PALLD: variants seen among roughly 807,000 people sequenced by gnomAD.
The protein encoded by PALLD is palladin.
Under a neutral mutation model 123.5 loss-of-function variants are expected in PALLD, and 61 were observed. The observed-to-expected ratio is 0.49, with a 90% confidence interval of 0.40 to 0.61. The LOEUF is 0.61. PALLD is among the 20% of genes least tolerant of loss of function. The pLI, the probability that PALLD is intolerant of heterozygous loss-of-function variation, is 0.00. For missense variants in PALLD, 1,273 were observed against 1,377.0 expected (o/e 0.92, Z 1.20); for synonymous variants, 465 against 496.4 (o/e 0.94, Z 0.84).
intron 2 of PALLD, among the ~76,000 whole-genome samples, chr4:168,665,261 T>C (rs1446296062): frequency 2.6e-5 from 4 of 152,210 alleles, no homozygotes. Context: ...TAGCTCTTGA[T>C]GGGCCTTTCT....
At chr4:168,731,852 C>G (rs1489092946) in intron 10 of PALLD, among the ~76,000 whole-genome samples, 1 of 152,196 alleles carries the variant, frequency 6.6e-6, no homozygotes, top group African/African-American at 2.4e-5. Context: ...AGGGAAGTAG[C>G]TGATACCAGG....
chr4:168,657,538 G>A (rs964214334), intron 2 of PALLD, among the ~76,000 whole-genome samples: 2 of 152,176 alleles, frequency 1.3e-5, no homozygotes, highest in Non-Finnish European at 2.9e-5. Context: ...AATTATTTAG[G>A]CAGATAGTGA....
chr4:168,540,406 G>A (rs974560072), intron 2 of PALLD, among the ~76,000 whole-genome samples: 1 of 152,030 alleles, frequency 6.6e-6, no homozygotes, highest in Non-Finnish European at 1.5e-5. Flanking sequence ...TTCTGTTTCC[G>A]AAACACAAAA....
chr4:168,744,065 TGCTAGAA>T (rs1227820988), intron 10 of PALLD, among the ~76,000 whole-genome samples: 2 of 152,094 alleles, frequency 1.3e-5, no homozygotes, highest in Non-Finnish European at 2.9e-5. Context: ...AGCAAACAGA[TGCTAGAA>T]GCCAGTAAAG....
intron 2 of PALLD, among the ~76,000 whole-genome samples, chr4:168,527,212 C>A (rs955544837): frequency 2.0e-5 from 3 of 152,038 alleles, no homozygotes; most frequent in African/African-American, 7.3e-5. Context: ...CACCTGAGGT[C>A]GGGAGTTCAA....
intron 2 of PALLD, among the ~76,000 whole-genome samples, chr4:168,543,701 A>G (rs1301763757): frequency 6.6e-6 from 1 of 152,224 alleles, no homozygotes; most frequent in Non-Finnish European, 1.5e-5. Flanking sequence ...CAACCAGCCA[A>G]GCTGGGAAAA....
intron 10 of PALLD, among the ~76,000 whole-genome samples, chr4:168,810,785 G>T (rs1385741550): frequency 6.7e-6 from 1 of 150,310 alleles, no homozygotes; most frequent in African/African-American, 2.5e-5. Context: ...TCCGCAGTCC[G>T]GCCTGGGCGA....
intron 10 of PALLD, among the ~76,000 whole-genome samples, chr4:168,810,245 G>A (rs1472122931): frequency 1.3e-5 from 2 of 152,136 alleles, no homozygotes; most frequent in Non-Finnish European, 2.9e-5. Flanking sequence ...AACATTTGGT[G>A]ATGAATGGAA....
At chr4:168,875,261 T>A (rs1433411173) in intron 10 of PALLD, among the ~76,000 whole-genome samples, 1 of 152,148 alleles carries the variant, frequency 6.6e-6, no homozygotes, top group African/African-American at 2.4e-5. Flanking sequence ...AACTTCTAAG[T>A]AATTTCCAAA....
chr4:168,591,368 A>G (rs1469236531), intron 2 of PALLD, among the ~76,000 whole-genome samples: 3 of 152,176 alleles, frequency 2.0e-5, no homozygotes, highest in Non-Finnish European at 2.9e-5. Flanking sequence ...TGGGCCAGAT[A>G]CCATTTAGCT....
intron 10 of PALLD, among the ~76,000 whole-genome samples, chr4:168,751,349 T>C (rs975330478): frequency 6.6e-6 from 1 of 152,174 alleles, no homozygotes; most frequent in Non-Finnish European, 1.5e-5. Context: ...GGCAGTATAA[T>C]ATATGCTAAC....
chr4:168,868,948 T>C (rs372134815), intron 10 of PALLD, among the ~76,000 whole-genome samples: 1 of 152,256 alleles, frequency 6.6e-6, no homozygotes, highest in Non-Finnish European at 1.5e-5. Flanking sequence ...CATAAACTTA[T>C]TGCGTTTTTG....
intron 10 of PALLD, among the ~76,000 whole-genome samples, chr4:168,733,986 T>C (rs564491470): frequency 6.2e-4 from 94 of 152,288 alleles, no homozygotes; most frequent in East Asian, 1.2e-3. Flanking sequence ...CTGCCCGCCT[T>C]GGCCTCCCAA....
intron 10 of PALLD, among the ~76,000 whole-genome samples, chr4:168,714,926 A>G (rs1785199750): frequency 6.6e-6 from 1 of 152,172 alleles, no homozygotes; most frequent in Admixed American, 6.5e-5. Flanking sequence ...AAAAGAAAAA[A>G]AAAATTCAAG....
At chr4:168,824,388 T>C (rs1459461502) in intron 10 of PALLD, among the ~76,000 whole-genome samples, 1 of 152,222 alleles carries the variant, frequency 6.6e-6, no homozygotes, top group African/African-American at 2.4e-5. Flanking sequence ...AGCCATATCT[T>C]ATTAAAATCC....
chr4:168,816,413 A>ATATATATATAT, intron 10 of PALLD, among the ~76,000 whole-genome samples: 1 of 135,996 alleles, frequency 7.4e-6, no homozygotes, highest in East Asian at 2.2e-4. Flanking sequence ...ATATATATAT[A>ATATATATATAT]TTTTTTTTAA....
Position 168,802,890 on chromosome 4 carries a change from C to G in PALLD, c.1965-88032C>G, listed in dbSNP as rs112470426. Among the ~76,000 whole-genome samples, 305 of 152,270 alleles carry G rather than the reference C, an allele frequency of 2.0e-3. 1 individual carries two copies. Among genetic ancestry groups the G allele is most frequent in the African/African-American group, 7.0e-3 (291 of 41,554 alleles). The stretch of plus-strand genomic sequence containing the variant: ...GTAGAGTAGTAGAGACGGGGTTTCT[C>G]CATGTTGCTGAGGCTGGTCTCGAAC... On this transcript the variant is annotated intron_variant, in intron 10 of 21. Coordinates refer to ENST00000505667, the MANE Select transcript of PALLD (RefSeq NM_001166108.2).
intron 1 of PALLD, among the ~76,000 whole-genome samples, chr4:168,501,207 T>C (rs1579979263): frequency 6.7e-6 from 1 of 148,230 alleles, no homozygotes; most frequent in Admixed American, 6.8e-5. Context: ...AGGCCAAGAG[T>C]TCAAGACAAT....
chr4:168,711,659 C>T lies in PALLD; in HGVS notation c.1700C>T (p.Pro567Leu). Residue 567 changes from proline (P) to leucine (L), a missense_variant, in exon 10 of 22, where the codon CCA (proline) becomes CTA (leucine). This residue lies in a region of PALLD where 944 missense variants were observed against 954.5 expected (regional missense o/e 0.99). Coordinates refer to ENST00000505667, the MANE Select transcript of PALLD (RefSeq NM_001166108.2). ...TTCCAACACTTTCCACCTCCCCCTC[C>T]AATCTTGGAGACAAGTTCCTTGGAG... is the stretch of plus-strand genomic sequence containing the variant. ...DHFQHFPPPP[P>L]ILETSSLELA... The T allele has an allele frequency of 6.2e-7, 1 of 1,614,102 alleles. No homozygotes were observed. The highest frequency in any genetic ancestry group is 8.5e-7 in the Non-Finnish European group (1 of 1,179,982).
Sources: allele counts gnomAD v4.1 joint callset (sites outside exome capture counted in the v4.1 genomes callset), GRCh38; gene constraint gnomAD v4.1.1; regional missense constraint gnomAD v4.1.1; transcripts MANE v1.5; gene names NCBI Gene and HGNC (gene_info 2026-07-23, HGNC 2026-07-21).